MEI4: variants seen among roughly 807,000 people sequenced by gnomAD.
MEI4 encodes meiosis-specific protein MEI4.
In MEI4, 27 loss-of-function variants were observed where a neutral mutation model predicts 31.4. The observed-to-expected ratio is 0.86, with a 90% CI of 0.63 to 1.19. MEI4 has a LOEUF of 1.19. Among genes scored for constraint, MEI4 ranks in the 50% most tolerant of loss-of-function variants. MEI4 has a pLI of 0.00. For missense variants in MEI4, 329 were observed against 398.9 expected, an observed-to-expected ratio of 0.82 and a Z score of 1.49; for synonymous variants, 122 against 145.4, an observed-to-expected ratio of 0.84 and a Z score of 1.16.
At chr6:77,801,134 G>T (rs1479802464) in intron 3 of MEI4, among the ~76,000 whole-genome samples, 3 of 152,114 alleles carry the variant, frequency 2.0e-5, no homozygotes, top group South Asian at 2.1e-4. Context: ...GACTTTTGTT[G>T]GTTGGTAAGC....
At chr6:77,888,276 G>A (rs1252293240) in intron 4 of MEI4, among the ~76,000 whole-genome samples, 3 of 150,556 alleles carry the variant, frequency 2.0e-5, no homozygotes, top group Non-Finnish European at 4.4e-5. Flanking sequence ...ATTGATAGGT[G>A]AGGACTTACT....
intron 4 of MEI4, among the ~76,000 whole-genome samples, chr6:77,837,537 G>T (rs1770249091): frequency 6.6e-6 from 1 of 152,170 alleles, no homozygotes; most frequent in Non-Finnish European, 1.5e-5. Flanking sequence ...TGTATCAGGA[G>T]TGGATTAACT....
At chr6:77,740,238 A>G (rs1767364020) in intron 2 of MEI4, among the ~76,000 whole-genome samples, 1 of 152,190 alleles carries the variant, frequency 6.6e-6, no homozygotes, top group African/African-American at 2.4e-5. Flanking sequence ...TCGATTTTAG[A>G]GTATGTGCCA....
At chr6:77,908,403 G>A (rs1766349732) in intron 4 of MEI4, among the ~76,000 whole-genome samples, 1 of 152,030 alleles carries the variant, frequency 6.6e-6, no homozygotes, top group Admixed American at 6.6e-5. Context: ...TATTAAATAG[G>A]GAATCGTTTC....
chr6:77,885,466 A>G (rs1466412963), intron 4 of MEI4, among the ~76,000 whole-genome samples: 1 of 152,104 alleles, frequency 6.6e-6, no homozygotes, highest in Non-Finnish European at 1.5e-5. Flanking sequence ...TGCTGAGATT[A>G]TAGGTATGAG....
rs920154639 is a variant in MEI4 at position 77,820,238 on chromosome 6, GT to G, written c.769-8684del. ...AAACACAAAGAGACTCCTGGGACTG[GT>G]TTTTTTTTGTTTTTGTTTTTGTTTT... On this transcript the variant is annotated intron_variant, in intron 3 of 4. Transcript: ENST00000684080. This position sits in a 1 kb window ranked among gnomAD's most constrained non-coding sequence, Gnocchi z 4.5. Among the ~76,000 whole-genome samples, 6 of 150,696 alleles carry G rather than the reference GT, an allele frequency of 4.0e-5. No individual in the cohort carries two copies. The highest frequency in any genetic ancestry group is 2.0e-4 in the Admixed American group (3 of 15,112).
intron 3 of MEI4, among the ~76,000 whole-genome samples, chr6:77,790,905 T>TA (rs745839987): frequency 1.3e-5 from 2 of 152,168 alleles, no homozygotes; most frequent in Non-Finnish European, 2.9e-5. Flanking sequence ...AGAAGACATT[T>TA]ATGCAGCCAA....
In MEI4 at chr6:77,755,081, C is replaced by T. The variant is rs561774051; in HGVS notation, c.233-6049C>T. Among the ~76,000 whole-genome samples the T allele has an allele frequency of 4.0e-5, 6 of 151,894 alleles. No homozygotes were observed. In the South Asian group the frequency reaches 6.3e-4, roughly 16 times the overall value. ...CACAGTTGGTGGCACCTGTAATTCC[C>T]GTGATTTGGGAAGCTGAAGTGGAAG... On this transcript the variant is annotated intron_variant, in intron 2 of 4. Coordinates refer to ENST00000684080, the MANE Select transcript of MEI4 (RefSeq NM_001322247.2).
chr6:77,744,469 C>G (rs4708364), intron 2 of MEI4, among the ~76,000 whole-genome samples: 1 of 151,410 alleles, frequency 6.6e-6, no homozygotes, highest in Non-Finnish European at 1.5e-5. Context: ...TGGGACTATG[C>G]GAAAAGACCA....
chr6:77,829,928 A>G (rs1305694173), intron 4 of MEI4, among the ~76,000 whole-genome samples: 1 of 152,122 alleles, frequency 6.6e-6, no homozygotes, highest in Non-Finnish European at 1.5e-5. Context: ...GATGTTTGAC[A>G]TGTTGTATCT....
At chr6:77,869,723 GA>G (rs1016050423) in intron 4 of MEI4, among the ~76,000 whole-genome samples, 47 of 152,278 alleles carry the variant, frequency 3.1e-4, no homozygotes, top group African/African-American at 1.1e-3. Flanking sequence ...TGGGGTGGCA[GA>G]GTTGACATTT....
At chr6:77,897,546 T>G (rs148215296) in intron 4 of MEI4, among the ~76,000 whole-genome samples, 2 of 152,002 alleles carry the variant, frequency 1.3e-5, no homozygotes, top group African/African-American at 4.8e-5. Flanking sequence ...CAAATACTTA[T>G]GTACACAACG....
At chr6:77,885,183 CT>C (rs1006306194) in intron 4 of MEI4, among the ~76,000 whole-genome samples, 543 of 139,074 alleles carry the variant, frequency 3.9e-3, no homozygotes, top group Middle Eastern at 7.6e-3. Flanking sequence ...GCTAGTGACT[CT>C]TTTTTTTTTT....
At chr6:77,690,982 C>G in intron 2 of MEI4, 79 bp downstream of exon 2, 1 of 761,140 alleles carries the variant, frequency 1.3e-6, no homozygotes, top group Non-Finnish European at 1.8e-6. Flanking sequence ...AAATGTATTC[C>G]CAAAACATGA....
At chr6:77,733,356 G>T (rs1158190725) in intron 2 of MEI4, among the ~76,000 whole-genome samples, 3 of 152,042 alleles carry the variant, frequency 2.0e-5, no homozygotes, top group Non-Finnish European at 4.4e-5. Context: ...TTAGTCTTGG[G>T]AGAGTGTATG....
intron 1 of MEI4, among the ~76,000 whole-genome samples, chr6:77,665,458 G>T (rs1768611715): frequency 6.6e-6 from 1 of 151,994 alleles, no homozygotes; most frequent in South Asian, 2.1e-4. Context: ...AGGAGAAGGG[G>T]TTGAGGGGTA....
chr6:77,708,575 T>C (rs1164915747), intron 2 of MEI4, among the ~76,000 whole-genome samples: 1 of 152,188 alleles, frequency 6.6e-6, no homozygotes, highest in African/African-American at 2.4e-5. Flanking sequence ...ATTATATGGT[T>C]TGGATATTTG....
intron 3 of MEI4, among the ~76,000 whole-genome samples, chr6:77,797,435 G>A (rs1332767362): frequency 2.0e-5 from 3 of 152,086 alleles, no homozygotes; most frequent in Non-Finnish European, 4.4e-5. Context: ...ATTTATTAAG[G>A]AGAATTGGCT....
chr6:77,908,491 T>C (rs940196308), intron 4 of MEI4, among the ~76,000 whole-genome samples: 3 of 152,148 alleles, frequency 2.0e-5, no homozygotes, highest in Admixed American at 6.6e-5. Flanking sequence ...GGCTCTGTTC[T>C]GTTCCATTGG....
Sources: gnomAD v4.1 joint callset for allele counts (sites outside exome capture counted in the v4.1 genomes callset) on GRCh38, gnomAD v4.1.1 for gene constraint, Gnocchi (gnomAD v3.1) non-coding constraint, MANE v1.5 for transcripts, NCBI Gene and HGNC (gene_info 2026-07-23, HGNC 2026-07-21) for gene names.